The following ACAD11 variants were observed in gnomAD, a reference collection of about 807,000 sequenced individuals.
ACAD11 encodes acyl-CoA dehydrogenase family member 11, also known as acyl-Coenzyme A dehydrogenase family, member 11.
Under a neutral mutation model 102.2 loss-of-function variants are expected in ACAD11, and 83 were observed. That is an observed-to-expected ratio of 0.81 (90% confidence interval 0.68 to 0.97). The LOEUF (loss-of-function observed/expected upper bound fraction) is 0.97, where lower values mean the gene tolerates loss of function less well. ACAD11 is among the 50% of genes least tolerant of loss of function. The probability of loss-of-function intolerance (pLI) is 0.00; values close to 1 mark genes in which losing one functional copy is unlikely to be tolerated. For missense variants in ACAD11, 901 were observed against 951.7 expected (o/e 0.95, Z 0.70); for synonymous variants, 324 against 319.8 (o/e 1.01, Z -0.14).
In ACAD11 at chr3:132,642,751, C is replaced by T. The variant is rs200038472; in HGVS notation, c.301G>A (p.Val101Ile). The stretch of plus-strand genomic sequence containing the variant: ...CTGCAGTACAGTATAGGCTTGGGAA[C>T]GGGGAATCCAATTGAAAACAAGGCT... ...QKALFSIGFPVPKPILYCSDT... is the reference protein window; with the variant it reads ...QKALFSIGFPIPKPILYCSDT... Residue 101 changes from valine to isoleucine, a missense_variant, in exon 3 of 20, where the codon GTT becomes ATT. Transcript: ENST00000264990. 20 of 1,613,254 alleles carry T rather than the reference C, an allele frequency of 1.2e-5. No individual in the cohort carries two copies. Among genetic ancestry groups the T allele is most frequent in the Non-Finnish European group, 1.5e-5 (18 of 1,179,694 alleles).
chr3:132,587,319 C>T (rs1394593730), intron 13 of ACAD11, among the ~76,000 whole-genome samples: 1 of 152,218 alleles, frequency 6.6e-6, no homozygotes, highest in East Asian at 1.9e-4. Flanking sequence ...CATTTCTTTA[C>T]ATCTTTTCTT....
chr3:132,651,572 C>T (rs1940932537), intron 1 of ACAD11, among the ~76,000 whole-genome samples: 1 of 152,184 alleles, frequency 6.6e-6, no homozygotes, highest in Admixed American at 6.5e-5. Flanking sequence ...CCACTCACTC[C>T]TGCTAGTGCC....
At chr3:132,635,454 C>T (rs1940237895) in intron 5 of ACAD11, among the ~76,000 whole-genome samples, 1 of 152,196 alleles carries the variant, frequency 6.6e-6, no homozygotes, top group African/African-American at 2.4e-5. Context: ...CCTTGCTCCT[C>T]TGGCAAACTT....
At chr3:132,579,188 A>T in intron 14 of ACAD11, 1 of 837,292 alleles carries the variant, frequency 1.2e-6, no homozygotes, top group South Asian at 1.9e-5. Flanking sequence ...CTAAACATCT[A>T]ATCACTTCAT....
chr3:132,629,947 C>T (rs187088437), intron 7 of ACAD11, among the ~76,000 whole-genome samples: 137 of 152,012 alleles, frequency 9.0e-4, no homozygotes, highest in East Asian at 7.7e-3. Flanking sequence ...ACAAATATGA[C>T]GATGAAAATA....
chr3:132,584,006 G>A (rs1434927343), intron 13 of ACAD11, among the ~76,000 whole-genome samples: 1 of 152,290 alleles, frequency 6.6e-6, no homozygotes, highest in South Asian at 2.1e-4. Flanking sequence ...GAATAGGTGT[G>A]GTGTGGTGCT....
intron 4 of ACAD11, among the ~76,000 whole-genome samples, chr3:132,641,601 AAGAGG>A (rs1940510586): frequency 6.7e-6 from 1 of 148,846 alleles, no homozygotes; most frequent in Non-Finnish European, 1.5e-5. Context: ...GAAGAAGAAG[AAGAGG>A]AGGAAGAAGA....
chr3:132,626,691 C>T lies in ACAD11; in HGVS notation c.1197G>A (p.Lys399=), dbSNP rs754661086. The T allele has an allele frequency of 2.1e-5, 34 of 1,613,186 alleles. No individual in the cohort carries two copies. The African/African-American group carries it at 4.4e-4, about 21-fold the overall frequency. Residue 399 remains lysine (K), a splice_region_variant and synonymous_variant, in exon 9 of 20, where the codon AAG becomes AAA. Transcript: ENST00000264990. ...FMKQHILPAE[K]EVTEFYVQNE... ...TACATTCTGCTTATATAATACTCACCTTTTCAGCTGGAAGAATGTGTTGTT... is the reference window on the plus strand; with the variant it reads ...TACATTCTGCTTATATAATACTCACTTTTTCAGCTGGAAGAATGTGTTGTT...
intron 1 of ACAD11, among the ~76,000 whole-genome samples, chr3:132,653,514 A>G (rs1937624504): frequency 6.6e-6 from 1 of 151,908 alleles, no homozygotes; most frequent in South Asian, 2.1e-4. Context: ...CCTACACAAA[A>G]TTTTCTCTTC....
At chr3:132,608,093 CAGG>C (rs1317069716) in intron 11 of ACAD11, among the ~76,000 whole-genome samples, 1 of 152,152 alleles carries the variant, frequency 6.6e-6, no homozygotes, top group African/African-American at 2.4e-5. Flanking sequence ...TTGTCACCAC[CAGG>C]CCTGTCTTAC....
intron 14 of ACAD11, 43 bp downstream of exon 14, chr3:132,579,449 G>C: frequency 6.7e-7 from 1 of 1,491,952 alleles, no homozygotes; most frequent in Non-Finnish European, 9.3e-7. Flanking sequence ...AGGAAGACTG[G>C]CTCATTCCTA....
intron 13 of ACAD11, among the ~76,000 whole-genome samples, chr3:132,587,983 T>C (rs1161496892): frequency 1.3e-5 from 2 of 152,166 alleles, no homozygotes; most frequent in African/African-American, 4.8e-5. Flanking sequence ...CCAGCAGTGA[T>C]GGTTGCCCTA....
chr3:132,657,736 A>T (rs1937883551), intron 1 of ACAD11, among the ~76,000 whole-genome samples: 1 of 152,132 alleles, frequency 6.6e-6, no homozygotes, highest in Non-Finnish European at 1.5e-5. Flanking sequence ...ATTTCTGTAC[A>T]CTGAACTTTG....
At position 132,603,128 on chromosome 3, in the gene ACAD11, T is replaced by C. The variant is rs965900309; in HGVS notation, c.1621+101A>G. ...TACACATGCAGAATTTAAAGAATTA[T>C]GATCATGAAACTGATCACTATGTAT... On this transcript the variant is annotated intron_variant, in intron 13 of 19. Transcript: ENST00000264990. 2.0e-5 allele frequency: 21 copies of C among 1,040,034 alleles called. No individual in the cohort carries two copies. In the African/African-American group the frequency reaches 3.2e-4, roughly 16 times the overall value. 64.4% of individuals were successfully genotyped at this position (1,040,034 alleles called of 1,614,324 possible).
At chr3:132,570,962 A>G (rs1377202661) in intron 17 of ACAD11, among the ~76,000 whole-genome samples, 1 of 152,176 alleles carries the variant, frequency 6.6e-6, no homozygotes, top group Non-Finnish European at 1.5e-5. Context: ...ATAGTGCTGT[A>G]CTGAACATAC....
intron 17 of ACAD11, among the ~76,000 whole-genome samples, chr3:132,573,297 A>G (rs530892890): frequency 6.6e-6 from 1 of 152,332 alleles, no homozygotes; most frequent in Non-Finnish European, 1.5e-5. Flanking sequence ...GCTAATGAGC[A>G]TTTGAAACAT....
intron 13 of ACAD11, among the ~76,000 whole-genome samples, chr3:132,598,867 G>T (rs1459282083): frequency 6.6e-6 from 1 of 152,226 alleles, no homozygotes; most frequent in Non-Finnish European, 1.5e-5. Flanking sequence ...TTGGATTGTG[G>T]CTTTCAGGTG....
chr3:132,616,061 T>C (rs947117454), intron 11 of ACAD11, among the ~76,000 whole-genome samples: 1 of 152,192 alleles, frequency 6.6e-6, no homozygotes, highest in Non-Finnish European at 1.5e-5. Flanking sequence ...TCAATTATAC[T>C]GCCTTCTTCA....
intron 14 of ACAD11, 59 bp downstream of exon 14, chr3:132,579,433 G>A: frequency 1.5e-6 from 2 of 1,361,532 alleles, no homozygotes; most frequent in Non-Finnish European, 2.1e-6. Context: ...AAATTACCTA[G>A]ATAGGAGGAA....
Sources: allele counts gnomAD v4.1 joint callset (sites outside exome capture counted in the v4.1 genomes callset), GRCh38; gene constraint gnomAD v4.1.1; transcripts MANE v1.5; gene names NCBI Gene and HGNC (gene_info 2026-07-23, HGNC 2026-07-21).